WDR27: variants seen among roughly 807,000 people sequenced by gnomAD.
WDR27 encodes WD repeat domain 27, also known as WD repeat-containing protein 27.
Under a neutral mutation model 114.4 loss-of-function variants are expected in WDR27, and 100 were observed. The observed-to-expected ratio is 0.87, with a 90% confidence interval of 0.74 to 1.03. The LOEUF (loss-of-function observed/expected upper bound fraction) is 1.03, where lower values mean the gene tolerates loss of function less well. Among genes scored for constraint, WDR27 ranks in the 50% least tolerant of loss-of-function variants. The pLI, the probability that WDR27 is intolerant of heterozygous loss-of-function variation, is 0.00. For synonymous variants in WDR27, 449 were observed against 423.1 expected (o/e 1.06, Z -0.75); for missense variants, 1,129 against 1,092.9 (o/e 1.03, Z -0.47).
intron 23 of WDR27, among the ~76,000 whole-genome samples, chr6:169,591,212 T>A (rs1462850829): frequency 6.6e-6 from 1 of 152,156 alleles, no homozygotes; most frequent in Non-Finnish European, 1.5e-5. Context: ...TCCCTGATGA[T>A]TGGTGATGTG....
the WDR27 span, among the ~76,000 whole-genome samples, chr6:169,442,807 G>T: frequency 3.3e-5 from 5 of 152,182 alleles, no homozygotes; most frequent in African/African-American, 1.2e-4. Context: ...ACGGATGCAG[G>T]ACGACTGAGC....
At chr6:169,500,970 C>T (rs1791127353) in intron 25 of WDR27, among the ~76,000 whole-genome samples, 1 of 152,206 alleles carries the variant, frequency 6.6e-6, no homozygotes. Flanking sequence ...TGCTCTCCCC[C>T]GTCACAGGTC....
intron 8 of WDR27, among the ~76,000 whole-genome samples, chr6:169,663,286 G>A (rs974847649): frequency 6.6e-6 from 1 of 151,896 alleles, no homozygotes; most frequent in Non-Finnish European, 1.5e-5. Flanking sequence ...AAAACATCAG[G>A]AAAAAATTGG....
chr6:169,446,352 G>A, the WDR27 span, among the ~76,000 whole-genome samples: 3 of 151,998 alleles, frequency 2.0e-5, no homozygotes, highest in African/African-American at 7.2e-5. Context: ...CAGGACCAGG[G>A]TGCAGGGAAG....
At chr6:169,561,660 T>C (rs1799689689) in intron 25 of WDR27, among the ~76,000 whole-genome samples, 1 of 151,150 alleles carries the variant, frequency 6.6e-6, no homozygotes, top group Non-Finnish European at 1.5e-5. Flanking sequence ...AAAACAAAGA[T>C]CAGAAGGAGC....
chr6:169,548,359 A>C (rs1386515731), intron 25 of WDR27, among the ~76,000 whole-genome samples: 1 of 152,202 alleles, frequency 6.6e-6, no homozygotes, highest in Non-Finnish European at 1.5e-5. Flanking sequence ...AGGCAAAAAA[A>C]CTATAATAAA....
intron 25 of WDR27, among the ~76,000 whole-genome samples, chr6:169,531,289 CT>C (rs751410477): frequency 6.6e-5 from 10 of 152,012 alleles, no homozygotes; most frequent in Non-Finnish European, 1.3e-4. Flanking sequence ...CATTTTTTTT[CT>C]ACTGGAGTTC....
rs1825514751 is a variant in WDR27 at position 169,659,823 on chromosome 6, C to T, written c.1130-305G>A. On this transcript the variant is annotated intron_variant, in intron 10 of 25. Transcript: ENST00000448612. The surrounding 1 kb of genome is among the most constrained non-coding windows in gnomAD (Gnocchi z 4.3). ...TCAGCCTCCTGGAGAAGCCACATGTCCAGCACCAGATCAGAAAGGAAATGT... is the reference window on the plus strand; with the variant it reads ...TCAGCCTCCTGGAGAAGCCACATGTTCAGCACCAGATCAGAAAGGAAATGT... Among the ~76,000 whole-genome samples the T allele has an allele frequency of 2.6e-5, 4 of 152,036 alleles. No homozygotes were observed. In the South Asian group the frequency reaches 8.3e-4, roughly 32 times the overall value.
chr6:169,680,637 A>T (rs911143362), intron 2 of WDR27, among the ~76,000 whole-genome samples: 2 of 152,254 alleles, frequency 1.3e-5, no homozygotes, highest in Non-Finnish European at 2.9e-5. Flanking sequence ...AAGATCCCTG[A>T]ATGTTTAACA....
chr6:169,581,127 ATATT>A (rs1803340268), intron 24 of WDR27, among the ~76,000 whole-genome samples: 1 of 152,008 alleles, frequency 6.6e-6, no homozygotes, highest in South Asian at 2.1e-4. Context: ...TTGTATAACT[ATATT>A]TACGCCATAT....
intron 23 of WDR27, among the ~76,000 whole-genome samples, chr6:169,600,802 T>C (rs953080146): frequency 2.6e-5 from 4 of 152,018 alleles, no homozygotes. Flanking sequence ...CTCCAAGAAA[T>C]ATGGGACTAT....
chr6:169,477,519 A>G (rs368904861), intron 25 of WDR27, among the ~76,000 whole-genome samples: 15 of 152,160 alleles, frequency 9.9e-5, no homozygotes, highest in African/African-American at 3.6e-4. Flanking sequence ...GCTCGCTGAA[A>G]CCTCCGCCTC....
At chr6:169,428,385 T>G in the WDR27 span, among the ~76,000 whole-genome samples, 1 of 152,242 alleles carries the variant, frequency 6.6e-6, no homozygotes, top group South Asian at 2.1e-4. Context: ...TTTAGAGTGG[T>G]TTTAGTTATG....
At position 169,664,446 on chromosome 6, in the gene WDR27, C is replaced by G. The variant is rs1827198854; in HGVS notation, c.784-160G>C. ...ACAGCTGTCTCCTGCCTTCAACATC[C>G]CCTCTGGAGGCCCTCCGTACGGCCC... On this transcript the variant is annotated intron_variant, in intron 7 of 25. Transcript: ENST00000448612. The G allele has an allele frequency of 3.4e-6, 5 of 1,492,092 alleles. No individual in the cohort carries two copies. In the South Asian group the frequency reaches 4.0e-5, roughly 12 times the overall value. 92.4% of individuals were successfully genotyped at this position (1,492,092 alleles called of 1,614,324 possible).
intron 25 of WDR27, among the ~76,000 whole-genome samples, chr6:169,480,304 A>G (rs1028809083): frequency 4.6e-5 from 7 of 152,102 alleles, no homozygotes; most frequent in African/African-American, 1.7e-4. Flanking sequence ...GCAGCCTGAC[A>G]TGCCCGAGCC....
intron 4 of WDR27, among the ~76,000 whole-genome samples, chr6:169,669,263 CG>C (rs546547114): frequency 2.6e-4 from 40 of 152,336 alleles, no homozygotes; most frequent in Middle Eastern, 6.8e-3. Flanking sequence ...CACGGACTCA[CG>C]TGACAACCAT....
intron 5 of WDR27, among the ~76,000 whole-genome samples, chr6:169,667,544 C>T (rs1200890288): frequency 1.3e-5 from 2 of 152,182 alleles, no homozygotes; most frequent in Admixed American, 1.3e-4. Flanking sequence ...GGTGCACACT[C>T]GCTGGTCAGG....
intron 2 of WDR27, among the ~76,000 whole-genome samples, chr6:169,679,645 G>A (rs1030270885): frequency 2.0e-5 from 3 of 152,160 alleles, no homozygotes; most frequent in Non-Finnish European, 4.4e-5. Context: ...ACCCTGTGAA[G>A]TACCTGCTCC....
intron 6 of WDR27, chr6:169,666,484 G>T: frequency 3.0e-6 from 3 of 985,486 alleles, no homozygotes; most frequent in Non-Finnish European, 3.6e-6. Context: ...ACGTGCACAA[G>T]GGGAGCAAAG....
Sources: allele counts gnomAD v4.1 joint callset (sites outside exome capture counted in the v4.1 genomes callset), GRCh38; gene constraint gnomAD v4.1.1; non-coding constraint Gnocchi (gnomAD v3.1); transcripts MANE v1.5; gene names NCBI Gene and HGNC (gene_info 2026-07-23, HGNC 2026-07-21).